The following DNAH5 variants were observed in gnomAD, a reference collection of about 807,000 sequenced individuals.
DNAH5 encodes axonemal beta dynein heavy chain 5.
In DNAH5, 372 loss-of-function variants were observed where a neutral mutation model predicts 518.2. The ratio of observed to expected loss-of-function variants is 0.72; its 90% CI spans 0.66 to 0.78. The LOEUF is 0.78. DNAH5 is among the 30% of genes least tolerant of loss of function. The pLI, the probability that DNAH5 is intolerant of heterozygous loss-of-function variation, is 0.00. For missense variants in DNAH5, 5,523 were observed against 5,687.0 expected, an observed-to-expected ratio of 0.97 and a Z score of 0.93; for synonymous variants, 2,039 against 2,025.9, an observed-to-expected ratio of 1.01 and a Z score of -0.17.
chr5:13,987,891 A>G (rs1384415492), intron 1 of DNAH5, among the ~76,000 whole-genome samples: 1 of 126,664 alleles, frequency 7.9e-6, no homozygotes, highest in Non-Finnish European at 1.7e-5. Flanking sequence ...AGATTATTCA[A>G]TAGGACCCTT....
At chr5:13,821,768 A>G (rs962424011) in intron 40 of DNAH5, among the ~76,000 whole-genome samples, 4 of 152,150 alleles carry the variant, frequency 2.6e-5, no homozygotes, top group Non-Finnish European at 5.9e-5. Flanking sequence ...CATCATATCA[A>G]CTACTTAATG....
intron 21 of DNAH5, among the ~76,000 whole-genome samples, chr5:13,877,363 T>C (rs1380391676): frequency 6.6e-6 from 1 of 152,226 alleles, no homozygotes; most frequent in African/African-American, 2.4e-5. Flanking sequence ...GTCAAAAGAC[T>C]ATCAGCAACA....
intron 55 of DNAH5, among the ~76,000 whole-genome samples, chr5:13,773,276 T>C (rs1366950481): frequency 6.6e-6 from 1 of 152,138 alleles, no homozygotes; most frequent in Non-Finnish European, 1.5e-5. Context: ...GTGTTATAGA[T>C]ATAGGAGGTC....
intron 1 of DNAH5, among the ~76,000 whole-genome samples, chr5:14,009,652 G>C (rs574494174): frequency 1.9e-4 from 29 of 152,186 alleles, no homozygotes; most frequent in Non-Finnish European, 4.0e-4. Flanking sequence ...GGAAACAGAG[G>C]AGGACTGGGC....
chr5:13,909,721 T>C (rs550193886), intron 12 of DNAH5, among the ~76,000 whole-genome samples: 1 of 152,220 alleles, frequency 6.6e-6, no homozygotes, highest in Non-Finnish European at 1.5e-5. Flanking sequence ...CTTTTTTAAA[T>C]GCTAAATTCA....
intron 62 of DNAH5, 107 bp downstream of exon 62, chr5:13,754,096 T>C (rs1297038339): frequency 1.5e-6 from 2 of 1,313,978 alleles, no homozygotes; most frequent in Middle Eastern, 2.0e-4. Flanking sequence ...GTTACATATG[T>C]ATACATGCGC....
At chr5:13,693,175 A>G (rs904990818) in intron 78 of DNAH5, among the ~76,000 whole-genome samples, 2 of 152,190 alleles carry the variant, frequency 1.3e-5, no homozygotes, top group African/African-American at 4.8e-5. Flanking sequence ...CGGGAAGTCA[A>G]TATTACAAAA....
chr5:13,817,948 G>A (rs1346863012), intron 41 of DNAH5, among the ~76,000 whole-genome samples: 1 of 152,090 alleles, frequency 6.6e-6, no homozygotes, highest in African/African-American at 2.4e-5. Context: ...ATACCATGCT[G>A]GAATTTATGA....
intron 32 of DNAH5, among the ~76,000 whole-genome samples, chr5:13,843,349 T>A (rs985144619): frequency 6.6e-6 from 1 of 152,164 alleles, no homozygotes; most frequent in Non-Finnish European, 1.5e-5. Context: ...TTTATCATGT[T>A]CAGGATGAAG....
intron 78 of DNAH5, among the ~76,000 whole-genome samples, chr5:13,697,849 C>T (rs1471523206): frequency 6.6e-6 from 1 of 152,200 alleles, no homozygotes; most frequent in Non-Finnish European, 1.5e-5. Context: ...TGGATCTCAG[C>T]TCAATATTTC....
chr5:13,874,935 G>C (rs938994074), intron 22 of DNAH5, among the ~76,000 whole-genome samples: 2 of 152,120 alleles, frequency 1.3e-5, no homozygotes, highest in Non-Finnish European at 2.9e-5. Context: ...AAAGGGGCAG[G>C]GATCATAGGA....
At chr5:14,006,491 G>T (rs1784732072) in intron 1 of DNAH5, among the ~76,000 whole-genome samples, 1 of 152,036 alleles carries the variant, frequency 6.6e-6, no homozygotes, top group Admixed American at 6.6e-5. Context: ...CCTTCTCACT[G>T]GATCTTCACA....
chr5:13,991,616 G>A lies in DNAH5; in HGVS notation c.12+20032C>T, dbSNP rs978382191. Among the ~76,000 whole-genome samples, 24 of 151,348 alleles carry A rather than the reference G, an allele frequency of 1.6e-4. 1 individual carries two copies. The highest frequency in any genetic ancestry group is 5.3e-4 in the African/African-American group (22 of 41,130). On this transcript the variant is annotated intron_variant, in intron 1 of 78. Coordinates refer to the DNAH5 transcript ENST00000681290. ...GGGAAGAGGAGGAGGAAGGGGAGAG[G>A]GAGATTGTATACAAGGATGAGGAAG...
At chr5:13,797,497 C>T (rs1433600822) in intron 47 of DNAH5, among the ~76,000 whole-genome samples, 2 of 152,120 alleles carry the variant, frequency 1.3e-5, no homozygotes, top group Non-Finnish European at 2.9e-5. Flanking sequence ...ATCAAAACCA[C>T]AATGAGATAC....
chr5:13,922,273 C>G lies in DNAH5; in HGVS notation c.494G>C (p.Arg165Thr). ...AADGGLLNSV[R>T]RLLSDIFIPA... ...AATGAAGATGTCCGACAGCAAACGTCTCACACTGTTGAGCAGGCCTCCATC... is the reference window on the plus strand; with the variant it reads ...AATGAAGATGTCCGACAGCAAACGTGTCACACTGTTGAGCAGGCCTCCATC... The change falls in exon 5 of 79, where the codon AGA (arginine) becomes ACA (threonine). Residue 165 changes from arginine to threonine, a missense_variant. Arg to Thr is a moderately conservative substitution (Grantham distance 71). This residue lies in a region of DNAH5 where 5,121 missense variants were observed against 5,223.3 expected (regional missense o/e 0.98). Coordinates refer to ENST00000265104, the MANE Select transcript of DNAH5 (RefSeq NM_001369.3). The G allele has an allele frequency of 6.2e-7, 1 of 1,614,162 alleles. No homozygotes were observed. The highest frequency in any genetic ancestry group is 2.2e-5 in the East Asian group (1 of 44,858).
chr5:13,891,561 G>C (rs1297312163), intron 16 of DNAH5, among the ~76,000 whole-genome samples: 2 of 152,130 alleles, frequency 1.3e-5, no homozygotes, highest in Admixed American at 6.5e-5. Flanking sequence ...AGAGGCCCTG[G>C]GTGAATCCAT....
Position 13,758,858 on chromosome 5 carries a change from C to A in DNAH5, c.10407G>T (p.Met3469Ile). The A allele has an allele frequency of 6.2e-7, 1 of 1,614,158 alleles. No individual in the cohort carries two copies. The highest frequency in any genetic ancestry group is 8.5e-7 in the Non-Finnish European group (1 of 1,180,014). Reference sequence around the variant, plus strand: ...AAAGGGCAGTTACCTGCTTTTCAGTCATGGCCTGTTCATACTCAGCCTGCA... The same window carrying A: ...AAAGGGCAGTTACCTGCTTTTCAGTAATGGCCTGTTCATACTCAGCCTGCA... ...DVVQAEYEQA[M>I]TEKQTLLEDA... Residue 3469 changes from methionine to isoleucine, a missense_variant, in exon 61 of 79, where the codon ATG (methionine) becomes ATT (isoleucine). Physicochemically the swap from Met to Ile is conservative, Grantham distance 10. Coordinates refer to ENST00000265104, the MANE Select transcript of DNAH5 (RefSeq NM_001369.3).
chr5:13,848,723 C>T (rs1766403483), intron 31 of DNAH5, among the ~76,000 whole-genome samples: 1 of 152,164 alleles, frequency 6.6e-6, no homozygotes, highest in South Asian at 2.1e-4. Flanking sequence ...GCGCAGTTCA[C>T]AATAGGGCTT....
At chr5:13,855,745 A>C (rs2151893505) in intron 30 of DNAH5, among the ~76,000 whole-genome samples, 1 of 152,314 alleles carries the variant, frequency 6.6e-6, no homozygotes, top group Middle Eastern at 3.4e-3. Flanking sequence ...CATAATTGGA[A>C]GTAAAACACT....
Sources: allele counts gnomAD v4.1 joint callset (sites outside exome capture counted in the v4.1 genomes callset), GRCh38; gene constraint gnomAD v4.1.1; regional missense constraint gnomAD v4.1.1; transcripts MANE v1.5; gene names NCBI Gene and HGNC (gene_info 2026-07-23, HGNC 2026-07-21).